NPHP3: variants seen among roughly 807,000 people sequenced by gnomAD.
NPHP3 encodes the protein nephrocystin 3, also known as nephrocystin-3.
Under a neutral mutation model 171.9 loss-of-function variants are expected in NPHP3, and 123 were observed. That is an observed-to-expected ratio of 0.72 (90% CI 0.62 to 0.83). The LOEUF is 0.83. Among genes scored for constraint, NPHP3 ranks in the 40% least tolerant of loss-of-function variants. The pLI is 0.00. For synonymous variants in NPHP3, 558 were observed against 579.2 expected, an observed-to-expected ratio of 0.96 and a Z score of 0.52; for missense variants, 1,506 against 1,591.9, an observed-to-expected ratio of 0.95 and a Z score of 0.92.
At chr3:132,689,385 A>C in intron 19 of NPHP3, 122 bp from the exon 20 acceptor site, 1 of 1,016,460 alleles carries the variant, frequency 9.8e-7, no homozygotes, top group South Asian at 1.3e-5. Flanking sequence ...CTGTGTAATG[A>C]GGTAAGACTC....
intron 18 of NPHP3, 79 bp from the exon 19 acceptor site, chr3:132,690,729 G>A (rs557411566): frequency 4.9e-6 from 7 of 1,428,650 alleles, no homozygotes; most frequent in Admixed American, 1.8e-5. Flanking sequence ...AAATGTCAAA[G>A]GAAGAAAAAT....
rs1432678549 is a variant in NPHP3 at position 132,688,668 on chromosome 3, A to G, written c.3107T>C (p.Leu1036Ser). The change falls in exon 21 of 27, where the codon TTG becomes TCG. Residue 1036 changes from leucine (L) to serine (S), a missense_variant. Coordinates refer to ENST00000337331, the MANE Select transcript of NPHP3 (RefSeq NM_153240.5). ...ATCTTACTTATTTTGTTTCTGGTAC[A>G]AAGTTGCAAGTGCTTCAAGTTCACG... Reference protein sequence around the residue: ...TARELEALATLYQKQNKYEQA... With the variant: ...TARELEALATSYQKQNKYEQA... 2 of 1,614,130 alleles carry G rather than the reference A, an allele frequency of 1.2e-6. No homozygotes were observed. The highest frequency in any genetic ancestry group is 1.7e-5 in the Admixed American group (1 of 60,024).
intron 13 of NPHP3, among the ~76,000 whole-genome samples, chr3:132,698,760 C>T (rs1939524550): frequency 6.6e-6 from 1 of 152,190 alleles, no homozygotes; most frequent in African/African-American, 2.4e-5. Flanking sequence ...ACCTTTTCCC[C>T]ACAACCTGCC....
intron 25 of NPHP3, among the ~76,000 whole-genome samples, 171 bp from the exon 26 acceptor site, chr3:132,682,989 G>A (rs1445036575): frequency 6.6e-6 from 1 of 152,190 alleles, no homozygotes; most frequent in Non-Finnish European, 1.5e-5. Context: ...ATAATAGAAA[G>A]TCAGATACTT....
chr3:132,684,824 C>T (rs1560000231), intron 23 of NPHP3, 30 bp from the exon 24 acceptor site: 1 of 1,609,048 alleles, frequency 6.2e-7, no homozygotes, highest in Non-Finnish European at 8.5e-7. Context: ...ATGGCTTAAA[C>T]TATCTATTTT....
chr3:132,695,659 T>TA (rs1357113434), intron 15 of NPHP3, among the ~76,000 whole-genome samples: 2 of 152,050 alleles, frequency 1.3e-5, no homozygotes, highest in Non-Finnish European at 2.9e-5. Flanking sequence ...GCAGGCTGGG[T>TA]ACAGTGGCTC....
chr3:132,702,004 C>A (rs138313560), intron 9 of NPHP3, among the ~76,000 whole-genome samples: 2 of 152,016 alleles, frequency 1.3e-5, no homozygotes, highest in East Asian at 3.9e-4. Flanking sequence ...CCAGCCTGGG[C>A]GACAGAGCAA....
intron 6 of NPHP3, among the ~76,000 whole-genome samples, chr3:132,709,119 T>G (rs1309579936): frequency 6.6e-6 from 1 of 152,128 alleles, no homozygotes. Flanking sequence ...TGGAAGAGGT[T>G]GGGTGACTGA....
In NPHP3 at chr3:132,681,559, T is replaced by G; in HGVS notation, c.*351A>C. On this transcript the variant is annotated 3_prime_UTR_variant, in exon 27 of 27. Transcript: ENST00000337331. ...GTGGGATTACAGGCATGAGCCACCATGCCTGGCCAAGATTCATGGAATTTT... is the reference window on the plus strand; with the variant it reads ...GTGGGATTACAGGCATGAGCCACCAGGCCTGGCCAAGATTCATGGAATTTT... 1 of 301,650 alleles carries G rather than the reference T, an allele frequency of 3.3e-6. No homozygotes were observed. The highest frequency in any genetic ancestry group is 6.4e-6 in the Non-Finnish European group (1 of 155,810). 18.7% of individuals were successfully genotyped at this position (301,650 alleles called of 1,614,324 possible).
At chr3:132,701,989 G>A (rs530134809) in intron 9 of NPHP3, among the ~76,000 whole-genome samples, 9 of 152,224 alleles carry the variant, frequency 5.9e-5, no homozygotes, top group Non-Finnish European at 8.8e-5. Flanking sequence ...CAGTGCCACC[G>A]CACTCCAGCC....
At chr3:132,712,929 TG>T (rs2107996029) in intron 6 of NPHP3, among the ~76,000 whole-genome samples, 196 bp downstream of exon 6, 1 of 152,284 alleles carries the variant, frequency 6.6e-6, no homozygotes, top group South Asian at 2.1e-4. Flanking sequence ...GTTGATCATA[TG>T]ACCTATGAAA....
intron 5 of NPHP3, among the ~76,000 whole-genome samples, chr3:132,714,689 A>G (rs765348948): frequency 6.6e-6 from 1 of 152,160 alleles, no homozygotes; most frequent in Non-Finnish European, 1.5e-5. Flanking sequence ...TGACTGTGCC[A>G]CTGCCCTCCA....
rs1469035257 is a variant in NPHP3, at chr3:132,682,834, GATA to G, written c.3697-19_3697-17del. ...CGTGTTTTTTCTTATTAAAAAAAAT[GATA>G]ATGCTCATGCACACTGGGTTTCTGA... On this transcript the variant is annotated splice_polypyrimidine_tract_variant and intron_variant, in intron 25 of 26. Coordinates refer to ENST00000337331, the MANE Select transcript of NPHP3 (RefSeq NM_153240.5). The G allele has an allele frequency of 6.8e-7, 1 of 1,473,074 alleles. No individual in the cohort carries two copies. Among genetic ancestry groups the G allele is most frequent in the Non-Finnish European group, 9.5e-7 (1 of 1,051,814 alleles). The allele number at this position is 1,473,074 out of a possible 1,614,324, so 91.3% of individuals were successfully genotyped here.
chr3:132,686,942 T>G (rs1023987749), intron 22 of NPHP3, among the ~76,000 whole-genome samples: 2 of 152,178 alleles, frequency 1.3e-5, no homozygotes, highest in Non-Finnish European at 2.9e-5. Flanking sequence ...AACCTTCAAA[T>G]GAATTTAGAG....
At position 132,722,002 on chromosome 3, in the gene NPHP3, C is replaced by T. The variant is rs769508776; in HGVS notation, c.354G>A (p.Lys118=). The part of the protein sequence containing the change: ...ELLSMGRREA[K]LDTENKRLRA... ...GCAGCCGCTTGTTCTCCGTGTCCAGCTTGGCCTCGCGGCGGCCCATGGACA... is the reference window on the plus strand; with the variant it reads ...GCAGCCGCTTGTTCTCCGTGTCCAGTTTGGCCTCGCGGCGGCCCATGGACA... Residue 118 remains lysine (K), a synonymous_variant, in exon 1 of 27, where the codon AAG becomes AAA. Transcript: ENST00000337331. 4 of 1,613,236 alleles carry T rather than the reference C, an allele frequency of 2.5e-6. No homozygotes were observed. In the Admixed American group the frequency reaches 5.0e-5, roughly 20 times the overall value.
chr3:132,700,449 C>T lies in NPHP3; in HGVS notation c.1629-1G>A, dbSNP rs772971117. 1.9e-6 allele frequency: 3 copies of T among 1,576,100 alleles called. No homozygotes were observed. The highest frequency in any genetic ancestry group is 2.6e-6 in the Non-Finnish European group (3 of 1,150,796). ...GGAATTCTTCTGTTGTAATTGAATC[C>T]TGAAAGAAAAAGACAGAACTTTTAT... On this transcript the variant is annotated splice_acceptor_variant, in intron 10 of 26. Transcript: ENST00000337331. LOFTEE classifies it high-confidence loss of function.
intron 23 of NPHP3, chr3:132,686,000 G>C: frequency 2.6e-6 from 1 of 378,430 alleles, no homozygotes; most frequent in Middle Eastern, 8.6e-4. Context: ...AGTGAGCCGA[G>C]ATCACACCAC....
Position 132,700,244 on chromosome 3 carries a change from G to T in NPHP3, c.1743+90C>A. The T allele has an allele frequency of 2.5e-6, 3 of 1,177,454 alleles. No homozygotes were observed. In the Admixed American group the frequency reaches 5.7e-5, roughly 22 times the overall value. The allele number at this position is 1,177,454 out of a possible 1,614,324, so 72.9% of individuals were successfully genotyped here. A position where few individuals can be genotyped will look rare whatever the true frequency, so the allele number is the denominator to read the frequency against. ...AAAACCAAAACAGGTGGATAATACT[G>T]AAAATTGGTTTACCAGTAGGTACTT... On this transcript the variant is annotated intron_variant, in intron 11 of 26. Coordinates refer to ENST00000337331, the MANE Select transcript of NPHP3 (RefSeq NM_153240.5).
At position 132,689,114 on chromosome 3, in the gene NPHP3, G is replaced by A. The variant is rs745361539; in HGVS notation, c.2843C>T (p.Thr948Ile). Residue 948 changes from threonine (T) to isoleucine (I), a missense_variant, in exon 20 of 27, where the codon ACC becomes ATC. By Grantham distance (89) the Thr-to-Ile change is moderately conservative. Coordinates refer to ENST00000337331, the MANE Select transcript of NPHP3 (RefSeq NM_153240.5). ...TAGATCCTTGAGAAATCGCCCCAAGGTTTCATAAAGATCAGCTAAGCAACT... is the reference window on the plus strand; with the variant it reads ...TAGATCCTTGAGAAATCGCCCCAAGATTTCATAAAGATCAGCTAAGCAACT... ...NMSCLADLYE[T>I]LGRFLKDLGL... The A allele has an allele frequency of 1.2e-6, 2 of 1,614,050 alleles. No individual in the cohort carries two copies. Among genetic ancestry groups the A allele is most frequent in the Non-Finnish European group, 1.7e-6 (2 of 1,179,980 alleles).
Sources: gnomAD v4.1 joint callset for allele counts (sites outside exome capture counted in the v4.1 genomes callset) on GRCh38, gnomAD v4.1.1 for gene constraint, MANE v1.5 for transcripts, NCBI Gene and HGNC (gene_info 2026-07-23, HGNC 2026-07-21) for gene names.